LRBA: variants seen among roughly 807,000 people sequenced by gnomAD.
LRBA encodes the protein LPS responsive beige-like anchor protein.
Under a neutral mutation model 330.0 loss-of-function variants are expected in LRBA, and 176 were observed. The ratio of observed to expected loss-of-function variants is 0.53; its 90% CI spans 0.47 to 0.60. The LOEUF is 0.60. Among genes scored for constraint, LRBA ranks in the 20% least tolerant of loss-of-function variants. The pLI, the probability that LRBA is intolerant of heterozygous loss-of-function variation, is 0.00. For synonymous variants in LRBA, 1,230 were observed against 1,193.0 expected, an observed-to-expected ratio of 1.03 and a Z score of -0.64; for missense variants, 3,259 against 3,444.8, an observed-to-expected ratio of 0.95 and a Z score of 1.35.
At position 150,277,861 on chromosome 4, in the gene LRBA, G is replaced by A. The variant is rs76608264; in HGVS notation, c.8460C>T (p.Tyr2820=). The A allele has an allele frequency of 3.9e-4, 633 of 1,613,956 alleles. 2 individuals are homozygous for A. The African/African-American group carries it at 5.5e-3, about 14-fold the overall frequency. The part of the protein sequence containing the change: ...DAGIRAMALS[Y]DQRCIISGMA... ...CATGATTCCAGTGTTACCTCTGGTCGTAAGACAGCGCCATGGCCCGGATTC... is the reference window on the plus strand; with the variant it reads ...CATGATTCCAGTGTTACCTCTGGTCATAAGACAGCGCCATGGCCCGGATTC... Residue 2820 remains tyrosine (Y), a synonymous_variant, in exon 56 of 57, where the codon TAC becomes TAT. Transcript: ENST00000651943.
chr4:150,413,918 G>C (rs953986756), intron 47 of LRBA, among the ~76,000 whole-genome samples: 5 of 150,692 alleles, frequency 3.3e-5, no homozygotes, highest in African/African-American at 9.8e-5. Context: ...TTAAAGGTTT[G>C]ACATTTCCTT....
chr4:150,774,719 T>C (rs1737034219), intron 34 of LRBA, among the ~76,000 whole-genome samples: 1 of 152,274 alleles, frequency 6.6e-6, no homozygotes, highest in East Asian at 1.9e-4. Flanking sequence ...CTTCTAACCT[T>C]GTACTGGTCA....
intron 37 of LRBA, among the ~76,000 whole-genome samples, chr4:150,655,009 T>C (rs1484965545): frequency 6.6e-6 from 1 of 152,154 alleles, no homozygotes; most frequent in Non-Finnish European, 1.5e-5. Context: ...AACATACGTG[T>C]GCATGTGTCT....
intron 2 of LRBA, among the ~76,000 whole-genome samples, chr4:150,936,128 A>C (rs573324812): frequency 1.3e-5 from 2 of 152,210 alleles, no homozygotes; most frequent in South Asian, 4.1e-4. Context: ...TAATGCTCAA[A>C]GTAGGTGAGA....
intron 49 of LRBA, among the ~76,000 whole-genome samples, chr4:150,323,754 A>G (rs1444788893): frequency 1.3e-5 from 2 of 152,232 alleles, no homozygotes; most frequent in African/African-American, 4.8e-5. Flanking sequence ...AACACCAGAA[A>G]TAAGAAAACC....
chr4:150,457,422 T>C (rs1410744414), intron 44 of LRBA, among the ~76,000 whole-genome samples: 1 of 151,996 alleles, frequency 6.6e-6, no homozygotes, highest in Non-Finnish European at 1.5e-5. Flanking sequence ...AACAATTATT[T>C]GAACAAACAC....
At chr4:150,360,527 A>T (rs1738542442) in intron 47 of LRBA, among the ~76,000 whole-genome samples, 1 of 152,236 alleles carries the variant, frequency 6.6e-6, no homozygotes, top group Non-Finnish European at 1.5e-5. Context: ...ACTAGTGGTT[A>T]TCAACTGGAC....
intron 34 of LRBA, among the ~76,000 whole-genome samples, chr4:150,793,675 A>G (rs771628019): frequency 5.9e-5 from 9 of 152,206 alleles, no homozygotes; most frequent in Non-Finnish European, 1.0e-4. Context: ...AACAACAGGC[A>G]ACTTAAATAT....
At chr4:150,524,872 C>T (rs527278609) in intron 40 of LRBA, among the ~76,000 whole-genome samples, 2 of 152,212 alleles carry the variant, frequency 1.3e-5, no homozygotes, top group Admixed American at 6.5e-5. Flanking sequence ...ATTCTGAATT[C>T]TAATCTCGCA....
chr4:150,613,052 C>T (rs1775427878), intron 37 of LRBA, among the ~76,000 whole-genome samples: 1 of 151,686 alleles, frequency 6.6e-6, no homozygotes, highest in South Asian at 2.1e-4. Context: ...TTAGCCGGTC[C>T]AATAGAAAAT....
Position 150,697,049 on chromosome 4 carries a change from G to A in LRBA, c.5755-13332C>T, listed in dbSNP as rs562580348. Among the ~76,000 whole-genome samples the A allele has an allele frequency of 3.8e-3, 565 of 150,514 alleles. 3 individuals carry two copies. Among genetic ancestry groups the A allele is most frequent in the African/African-American group, 0.013 (517 of 41,026 alleles). On this transcript the variant is annotated intron_variant, in intron 36 of 56. Coordinates refer to ENST00000651943, the MANE Select transcript of LRBA (RefSeq NM_001364905.1). The stretch of plus-strand genomic sequence containing the variant: ...AAGAAAAAAGAAAAAAAAAAAGGCC[G>A]GGCGCAGTGGCTCACACCTGTAATT...
intron 47 of LRBA, among the ~76,000 whole-genome samples, chr4:150,409,985 C>T (rs537013324): frequency 1.8e-4 from 28 of 152,136 alleles, no homozygotes; most frequent in South Asian, 8.3e-4. Context: ...GCAGCCACCA[C>T]GGCTGTTTAC....
intron 44 of LRBA, among the ~76,000 whole-genome samples, chr4:150,437,423 T>C (rs1751256579): frequency 6.6e-6 from 1 of 150,784 alleles, no homozygotes; most frequent in South Asian, 2.1e-4. Flanking sequence ...TATGTCTATA[T>C]AGGATATATA....
chr4:150,817,165 A>G lies in LRBA; in HGVS notation c.5264T>C (p.Val1755Ala). Residue 1755 changes from valine to alanine, a missense_variant, in exon 31 of 57, where the codon GTA becomes GCA. Coordinates refer to ENST00000651943, the MANE Select transcript of LRBA (RefSeq NM_001364905.1). ...CATATCTGAGGCTTGGGCTGAATCTACTGAGGAAACCACACTGACAGCATT... is the reference window on the plus strand; with the variant it reads ...CATATCTGAGGCTTGGGCTGAATCTGCTGAGGAAACCACACTGACAGCATT... ...PTNAVSVVSS[V>A]DSAQASDMGG... The G allele has an allele frequency of 6.2e-7, 1 of 1,612,108 alleles. No homozygotes were observed. Among genetic ancestry groups the G allele is most frequent in the Non-Finnish European group, 8.5e-7 (1 of 1,178,574 alleles).
intron 2 of LRBA, among the ~76,000 whole-genome samples, chr4:150,953,881 G>A (rs1016673785): frequency 6.0e-5 from 9 of 149,692 alleles, no homozygotes; most frequent in Non-Finnish European, 1.2e-4. Context: ...AGTGAGGAGC[G>A]CCTCTTCCCG....
At chr4:150,863,151 A>C (rs1293938427) in intron 22 of LRBA, among the ~76,000 whole-genome samples, 2 of 152,088 alleles carry the variant, frequency 1.3e-5, no homozygotes, top group Admixed American at 6.5e-5. Flanking sequence ...CTAAAAAAGT[A>C]GCCAGGTGTG....
At chr4:150,271,835 C>T (rs1248477358) in intron 56 of LRBA, among the ~76,000 whole-genome samples, 1 of 152,050 alleles carries the variant, frequency 6.6e-6, no homozygotes, top group Non-Finnish European at 1.5e-5. Context: ...CAGGGCATCT[C>T]TGAAAAAAAA....
intron 56 of LRBA, among the ~76,000 whole-genome samples, chr4:150,270,684 A>AT (rs568197900): frequency 2.0e-5 from 3 of 152,106 alleles, no homozygotes. Context: ...TGTTGCCACA[A>AT]TTTTTTTTAA....
intron 40 of LRBA, among the ~76,000 whole-genome samples, chr4:150,492,973 A>G (rs1489490151): frequency 2.0e-5 from 3 of 152,020 alleles, no homozygotes; most frequent in Non-Finnish European, 4.4e-5. Flanking sequence ...TCACTACCTG[A>G]AATTTTAAAT....
Sources: allele counts gnomAD v4.1 joint callset (sites outside exome capture counted in the v4.1 genomes callset), GRCh38; gene constraint gnomAD v4.1.1; transcripts MANE v1.5; gene names NCBI Gene and HGNC (gene_info 2026-07-23, HGNC 2026-07-21).